KCNIP1: variants seen among roughly 807,000 people sequenced by gnomAD.
KCNIP1 encodes the protein potassium voltage-gated channel interacting protein 1, also known as A-type potassium channel modulatory protein KCNIP1.
In KCNIP1, 18 loss-of-function variants were observed where a neutral mutation model predicts 33.0. The ratio of observed to expected loss-of-function variants is 0.55; its 90% CI spans 0.38 to 0.81. KCNIP1 has a LOEUF of 0.81. Ranked by LOEUF, KCNIP1 falls within the 30% of genes least tolerant of loss-of-function variation. KCNIP1 has a pLI of 0.00. For synonymous variants in KCNIP1, 93 were observed against 98.3 expected, an observed-to-expected ratio of 0.95 and a Z score of 0.32; for missense variants, 238 against 271.6, an observed-to-expected ratio of 0.88 and a Z score of 0.87.
chr5:170,379,290 C>T (rs1370458219), intron 1 of KCNIP1, among the ~76,000 whole-genome samples: 2 of 152,018 alleles, frequency 1.3e-5, no homozygotes, highest in Non-Finnish European at 2.9e-5. Flanking sequence ...CTTTCTGAGC[C>T]CTGAAGCTTC....
chr5:170,441,951 C>CA (rs34610945), intron 1 of KCNIP1, among the ~76,000 whole-genome samples: 6,726 of 71,598 alleles, frequency 0.094, 469 homozygotes, highest in East Asian at 0.15. Flanking sequence ...GACTCCATCT[C>CA]AAAAAAAAAA....
intron 1 of KCNIP1, among the ~76,000 whole-genome samples, chr5:170,540,173 C>CA (rs1362048329): frequency 6.6e-6 from 1 of 152,098 alleles, no homozygotes; most frequent in Non-Finnish European, 1.5e-5. Flanking sequence ...TCACAAAACT[C>CA]AAATGTGAGA....
At chr5:170,428,488 T>G (rs1261552150) in intron 1 of KCNIP1, among the ~76,000 whole-genome samples, 1 of 151,836 alleles carries the variant, frequency 6.6e-6, no homozygotes, top group Non-Finnish European at 1.5e-5. Flanking sequence ...GAACATAATA[T>G]CTGACACAAA....
In KCNIP1 at chr5:170,378,562, C is replaced by G. The variant is rs922959445; in HGVS notation, c.88+24598C>G. 6.7e-6 allele frequency: 6 copies of G among 897,066 alleles called. No homozygotes were observed. The African/African-American group carries it at 8.4e-5, about 13-fold the overall frequency. The allele number at this position is 897,066 out of a possible 1,614,324, so 55.6% of individuals were successfully genotyped here. A position where few individuals can be genotyped will look rare whatever the true frequency, so the allele number is the denominator to read the frequency against. ...ACAAAAGGATTTCTCAAAGGTTAGTCCTGCAACAGAAGACAGCGTGGATTG... is the reference window on the plus strand; with the variant it reads ...ACAAAAGGATTTCTCAAAGGTTAGTGCTGCAACAGAAGACAGCGTGGATTG... On this transcript the variant is annotated intron_variant, in intron 1 of 7. Coordinates refer to the KCNIP1 transcript ENST00000377360.
intron 1 of KCNIP1, among the ~76,000 whole-genome samples, chr5:170,600,333 G>A (rs1758645177): frequency 6.6e-6 from 1 of 152,174 alleles, no homozygotes; most frequent in Non-Finnish European, 1.5e-5. Context: ...ACATCATGCT[G>A]TATTTAGCGT....
At chr5:170,506,350 G>C (rs1334693070) in intron 1 of KCNIP1, among the ~76,000 whole-genome samples, 1 of 152,140 alleles carries the variant, frequency 6.6e-6, no homozygotes, top group African/African-American at 2.4e-5. Flanking sequence ...GGGTATGTAG[G>C]AAGTAGAGGA....
At chr5:170,486,468 A>G (rs1319628549) in intron 1 of KCNIP1, 1 of 152,262 alleles carries the variant, frequency 6.6e-6, no homozygotes, top group Non-Finnish European at 1.5e-5. Flanking sequence ...CATGTGACCA[A>G]TCACATTGTC....
At chr5:170,583,220 C>T (rs1757863893) in intron 1 of KCNIP1, among the ~76,000 whole-genome samples, 1 of 152,232 alleles carries the variant, frequency 6.6e-6, no homozygotes, top group East Asian at 1.9e-4. Context: ...TGTCTCCAGA[C>T]TTTCTTTCTC....
intron 1 of KCNIP1, among the ~76,000 whole-genome samples, chr5:170,658,260 T>C (rs1761345561): frequency 6.6e-6 from 1 of 152,162 alleles, no homozygotes; most frequent in Admixed American, 6.5e-5. Flanking sequence ...AAGTCCCAGG[T>C]TGAGGGAGCA....
intron 1 of KCNIP1, among the ~76,000 whole-genome samples, chr5:170,593,437 GTAATTTACTT>G (rs1758335728): frequency 2.6e-5 from 4 of 152,214 alleles, no homozygotes; most frequent in Non-Finnish European, 5.9e-5. Context: ...GGGAGCATTT[GTAATTTACTT>G]TGGAGGGGTG....
At chr5:170,413,690 C>A (rs1001045727) in intron 1 of KCNIP1, among the ~76,000 whole-genome samples, 2 of 152,058 alleles carry the variant, frequency 1.3e-5, no homozygotes, top group African/African-American at 4.8e-5. Flanking sequence ...CTCCTGACTG[C>A]GTCCTTGGCT....
chr5:170,543,880 T>G (rs984821151), intron 1 of KCNIP1, among the ~76,000 whole-genome samples: 1 of 152,200 alleles, frequency 6.6e-6, no homozygotes, highest in Non-Finnish European at 1.5e-5. Context: ...TTCCTTTGAA[T>G]TTCCATTACA....
chr5:170,687,674 T>G (rs1762585458), intron 1 of KCNIP1, among the ~76,000 whole-genome samples: 1 of 152,240 alleles, frequency 6.6e-6, no homozygotes, highest in Admixed American at 6.5e-5. Context: ...ATTGCTATGT[T>G]ATACACTCTA....
chr5:170,504,522 A>C lies in KCNIP1; in HGVS notation c.-51A>C. On this transcript the variant is annotated 5_prime_UTR_variant, in exon 1 of 8. Coordinates refer to ENST00000328939, the MANE Select transcript of KCNIP1 (RefSeq NM_014592.4). This position sits in a 1 kb window ranked among gnomAD's most constrained non-coding sequence, Gnocchi z 6.0. ...AACCACGGGGATTTCTTTCCAGGGTAGGGGAGGGGCCGGGCCCGGGGTCCC... is the reference window on the plus strand; with the variant it reads ...AACCACGGGGATTTCTTTCCAGGGTCGGGGAGGGGCCGGGCCCGGGGTCCC... 1 of 1,608,710 alleles carries C rather than the reference A, an allele frequency of 6.2e-7. No individual in the cohort carries two copies. Among genetic ancestry groups the C allele is most frequent in the South Asian group, 1.1e-5 (1 of 91,022 alleles).
At chr5:170,551,982 G>A (rs1756662551) in intron 1 of KCNIP1, among the ~76,000 whole-genome samples, 1 of 150,994 alleles carries the variant, frequency 6.6e-6, no homozygotes, top group African/African-American at 2.5e-5. Context: ...GAGTGTGTGA[G>A]CGTGTGTTGT....
chr5:170,448,483 C>T (rs1756170208), intron 1 of KCNIP1, among the ~76,000 whole-genome samples: 1 of 152,234 alleles, frequency 6.6e-6, no homozygotes. Flanking sequence ...TGGCTGCTTA[C>T]TCCCTGGGGG....
At chr5:170,667,488 G>A (rs777555080) in intron 1 of KCNIP1, among the ~76,000 whole-genome samples, 1 of 152,182 alleles carries the variant, frequency 6.6e-6, no homozygotes, top group African/African-American at 2.4e-5. Flanking sequence ...AAATTCATCC[G>A]GTCCTTCTTG....
At chr5:170,670,672 C>T (rs1448633332) in intron 1 of KCNIP1, among the ~76,000 whole-genome samples, 4 of 152,044 alleles carry the variant, frequency 2.6e-5, no homozygotes, top group African/African-American at 7.2e-5. Flanking sequence ...GCGGGTGGAC[C>T]GCCTGAGCTC....
intron 1 of KCNIP1, among the ~76,000 whole-genome samples, chr5:170,672,901 G>A (rs181642873): frequency 4.3e-4 from 66 of 152,370 alleles, no homozygotes; most frequent in African/African-American, 1.5e-3. Flanking sequence ...GAAACAGATG[G>A]ATAGCAATAA....
Sources: allele counts gnomAD v4.1 joint callset (sites outside exome capture counted in the v4.1 genomes callset), GRCh38; gene constraint gnomAD v4.1.1; non-coding constraint Gnocchi (gnomAD v3.1); transcripts MANE v1.5; gene names NCBI Gene and HGNC (gene_info 2026-07-23, HGNC 2026-07-21).